Variants in MACF1 observed in about 807,000 individuals in gnomAD.
MACF1 encodes microtubule actin crosslinking factor 1.
Under a neutral mutation model 854.8 loss-of-function variants are expected in MACF1, and 193 were observed. The observed-to-expected ratio is 0.23, with a 90% CI of 0.20 to 0.25. The LOEUF is 0.25. Ranked by LOEUF, MACF1 falls within the 10% of genes least tolerant of loss-of-function variation. MACF1 has a pLI of 1.00. For missense variants in MACF1, 7,722 were observed against 8,929.1 expected, an observed-to-expected ratio of 0.86 and a Z score of 5.45; for synonymous variants, 3,185 against 3,226.7, an observed-to-expected ratio of 0.99 and a Z score of 0.44.
chr1:39,201,722 T>C (rs1644391717), upstream of MACF1, among the ~76,000 whole-genome samples: 1 of 152,026 alleles, frequency 6.6e-6, no homozygotes, highest in Non-Finnish European at 1.5e-5. Flanking sequence ...GGCTTCCCGT[T>C]TCACCTAGAA....
intron 1 of MACF1, chr1:39,206,362 A>G (rs145896202): frequency 6.6e-6 from 1 of 152,344 alleles, no homozygotes; most frequent in East Asian, 1.9e-4. Context: ...CCTATTTACT[A>G]TTTCACATGT....
Position 39,448,088 on chromosome 1 carries a change from T to A in MACF1, c.20024T>A (p.Leu6675Gln), listed in dbSNP as rs776618362. ...TGGCTAGAAGATGCAGAGAGTCACC[T>A]GGACTCAGAACTAGAGATATCCAAT... ...IDWLEDAESH[L>Q]DSELEISNDP... The change falls in exon 83 of 101, where the codon CTG (leucine) becomes CAG (glutamine). Residue 6675 changes from leucine to glutamine, a missense_variant. This residue lies in a region of MACF1 where 729 missense variants were observed against 900.5 expected (regional missense o/e 0.81). Transcript: ENST00000564288. The A allele has an allele frequency of 2.5e-6, 4 of 1,614,036 alleles. No individual in the cohort carries two copies. Among genetic ancestry groups the A allele is most frequent in the East Asian group, 2.2e-5 (1 of 44,888 alleles).
At chr1:39,095,738 G>T (rs541987295) in intron 2 of MACF1, among the ~76,000 whole-genome samples, 1 of 151,306 alleles carries the variant, frequency 6.6e-6, no homozygotes, top group Admixed American at 6.6e-5. Flanking sequence ...AATTAGGTGT[G>T]GTGGTGCATG....
intron 2 of MACF1, among the ~76,000 whole-genome samples, chr1:39,160,564 A>G (rs1484449450): frequency 1.3e-5 from 2 of 152,248 alleles, no homozygotes; most frequent in African/African-American, 4.8e-5. Context: ...CATACAATAT[A>G]TAGCAGTTTC....
chr1:39,148,796 G>A (rs1004419200), intron 2 of MACF1, among the ~76,000 whole-genome samples: 2 of 152,154 alleles, frequency 1.3e-5, no homozygotes, highest in African/African-American at 2.4e-5. Context: ...TTTTTAAAAA[G>A]ATAAATTCCT....
chr1:39,480,925 A>G lies in MACF1; in HGVS notation c.22176A>G (p.Ser7392=). Residue 7392 remains serine (S), a synonymous_variant, in exon 99 of 101, where the codon TCA becomes TCG. Coordinates refer to ENST00000564288, the MANE Select transcript of MACF1 (RefSeq NM_001394062.1). ...TTTGGATTTCCGTTTCACAGACTTCACTTCAGTTCTCTCGCTGTTATGACA... is the reference window on the plus strand; with the variant it reads ...TTTGGATTTCCGTTTCACAGACTTCGCTTCAGTTCTCTCGCTGTTATGACA... The part of the protein sequence containing the change: ...PATPASGTKT[S]LQFSRCYDKP... 6.5e-7 allele frequency: 1 copy of G among 1,537,926 alleles called. No homozygotes were observed. The highest frequency in any genetic ancestry group is 8.8e-7 in the Non-Finnish European group (1 of 1,135,446).
At chr1:39,130,505 G>T (rs955364007) in intron 2 of MACF1, among the ~76,000 whole-genome samples, 1 of 152,100 alleles carries the variant, frequency 6.6e-6, no homozygotes, top group Non-Finnish European at 1.5e-5. Context: ...TCTGGCTCTG[G>T]GAAGTACTGA....
chr1:39,365,232 C>T (rs896099563), intron 49 of MACF1, among the ~76,000 whole-genome samples: 3 of 152,182 alleles, frequency 2.0e-5, no homozygotes, highest in South Asian at 4.1e-4. Context: ...CCCGCCACCA[C>T]GTCCAGCTAA....
chr1:39,099,043 C>T (rs961030409), intron 2 of MACF1, among the ~76,000 whole-genome samples: 12 of 152,204 alleles, frequency 7.9e-5, no homozygotes, highest in African/African-American at 2.7e-4. Flanking sequence ...CCCTTCAGTG[C>T]CTGGCATCAG....
In MACF1 at chr1:39,131,992, G is replaced by A. The variant is rs1399905442; in HGVS notation, c.220+47554G>A. Among the ~76,000 whole-genome samples, 3 of 152,098 alleles carry A rather than the reference G, an allele frequency of 2.0e-5. No individual in the cohort carries two copies. In the South Asian group the frequency reaches 6.2e-4, roughly 32 times the overall value. The stretch of plus-strand genomic sequence containing the variant: ...AACAGTTATTTTGCGGTTCCTTTAC[G>A]TGGAGAACCTTTAGAAGTGTTCCAT... On this transcript the variant is annotated intron_variant, in intron 2 of 93. Transcript: ENST00000361689.
chr1:39,101,863 GGAAA>G (rs1642087446), intron 2 of MACF1, among the ~76,000 whole-genome samples: 1 of 147,410 alleles, frequency 6.8e-6, no homozygotes, highest in South Asian at 2.2e-4. Context: ...AGGGAGGGAG[GGAAA>G]GAAAGAAAAG....
chr1:39,324,765 C>G, intron 35 of MACF1, 31 bp downstream of exon 35: 1 of 1,472,908 alleles, frequency 6.8e-7, no homozygotes, highest in Non-Finnish European at 9.5e-7. Context: ...TATGGCACAT[C>G]TGGGGCACCT....
intron 2 of MACF1, among the ~76,000 whole-genome samples, chr1:39,245,003 G>A (rs1482657841): frequency 3.3e-5 from 5 of 152,076 alleles, no homozygotes; most frequent in African/African-American, 9.7e-5. Context: ...ATGAGCCACC[G>A]TGCTTGGCCA....
chr1:39,355,052 G>C (rs971215936), intron 44 of MACF1, among the ~76,000 whole-genome samples: 3 of 152,322 alleles, frequency 2.0e-5, no homozygotes, highest in Non-Finnish European at 4.4e-5. Flanking sequence ...ATATATTTTA[G>C]TGGTGACACC....
At chr1:39,393,190 AAAAAAAATATATATATAT>A (rs1642109398) in intron 58 of MACF1, among the ~76,000 whole-genome samples, 1 of 86,710 alleles carries the variant, frequency 1.2e-5, no homozygotes, top group Non-Finnish European at 2.2e-5. Context: ...GTAAAAAAAA[AAAAAAAATATATATATAT>A]ATATATATAT....
chr1:39,462,575 T>A (rs887033516), intron 93 of MACF1, among the ~76,000 whole-genome samples: 2 of 146,810 alleles, frequency 1.4e-5, no homozygotes, highest in Non-Finnish European at 3.0e-5. Context: ...ATTAGCCAGG[T>A]GTGGTGGCAA....
At chr1:39,373,501 A>AG (rs1649439204) in intron 52 of MACF1, 1 of 143,734 alleles carries the variant, frequency 7.0e-6, no homozygotes, top group Non-Finnish European at 1.5e-5. Context: ...AAAAAAAAAA[A>AG]GTTGGGAAAG....
chr1:39,276,834 A>G (rs1645446750), intron 6 of MACF1, among the ~76,000 whole-genome samples: 1 of 152,142 alleles, frequency 6.6e-6, no homozygotes, highest in East Asian at 1.9e-4. Flanking sequence ...CTTATAAAGC[A>G]TTTCTTGTTA....
intron 2 of MACF1, among the ~76,000 whole-genome samples, chr1:39,244,599 A>G (rs1373733028): frequency 1.3e-5 from 2 of 148,730 alleles, no homozygotes; most frequent in African/African-American, 5.0e-5. Context: ...TTTTTTTGAA[A>G]TGGAGTCTCG....
Sources: gnomAD v4.1 joint callset for allele counts (sites outside exome capture counted in the v4.1 genomes callset) on GRCh38, gnomAD v4.1.1 for gene constraint, gnomAD v4.1.1 regional missense constraint, MANE v1.5 for transcripts, NCBI Gene and HGNC (gene_info 2026-07-23, HGNC 2026-07-21) for gene names.